The following MID1 variants were observed in gnomAD, a reference collection of about 807,000 sequenced individuals.
MID1 encodes the protein E3 ubiquitin-protein ligase Midline-1.
MID1 carries 7 observed loss-of-function variants against 40.4 expected under a neutral mutation model. The ratio of observed to expected loss-of-function variants is 0.17; its 90% CI spans 0.10 to 0.33. The LOEUF (loss-of-function observed/expected upper bound fraction) is 0.33. Ranked by LOEUF, MID1 falls within the 10% of genes least tolerant of loss-of-function variation. MID1 has a pLI of 1.00. For missense variants in MID1, 367 were observed against 558.5 expected (o/e 0.66, Z 3.46); for synonymous variants, 229 against 221.2 (o/e 1.04, Z -0.31).
In MID1 at chrX:10,469,700, C is replaced by A; in HGVS notation, c.1282G>T (p.Val428Phe). The A allele has an allele frequency of 8.3e-7, 1 of 1,211,588 alleles. No individual in the cohort carries two copies. The change falls in exon 7 of 10, where the codon GTT (valine) becomes TTT (phenylalanine). Residue 428 changes from valine (V) to phenylalanine (F), a missense_variant. By Grantham distance (50) the Val-to-Phe change is conservative. This residue lies in a region of MID1 where 275 missense variants were observed against 383.1 expected (regional missense o/e 0.72). Coordinates refer to ENST00000317552, the MANE Select transcript of MID1 (RefSeq NM_000381.4). ...YTIFTGQANV[V>F]SLCNSADSWM... ...AAATAGGCCATGAGATACTCACTAA[C>A]GACGTTGGCTTGTCCGGTGAATATG...
chrX:10,825,326 C>A (rs1194625226), intron 1 of MID1, among the ~76,000 whole-genome samples: 1 of 112,052 alleles, frequency 8.9e-6, no homozygotes, highest in East Asian at 2.8e-4. Flanking sequence ...GTTTTCCTAA[C>A]CCTATGGCTG....
chrX:10,829,267 G>A (rs774065205), intron 1 of MID1, among the ~76,000 whole-genome samples: 1 of 111,704 alleles, frequency 9.0e-6, no homozygotes, highest in Non-Finnish European at 1.9e-5. Flanking sequence ...GCCTTTTCTG[G>A]CTCAGGCTCT....
chrX:10,647,594 C>G (rs1477764541), intron 1 of MID1, among the ~76,000 whole-genome samples: 1 of 111,837 alleles, frequency 8.9e-6, no homozygotes, highest in Non-Finnish European at 1.9e-5. Context: ...GAATAAAGGG[C>G]ATATTCTGCT....
rs1454659309 is a variant in MID1 at position 10,533,381 on chromosome X, AG to A, written c.661-10195del. On this transcript the variant is annotated intron_variant, in intron 2 of 9. Transcript: ENST00000317552. ...GAAAGAAAGAAAGAAAGAAAGAAAA[AG>A]AAAGAAAGAAAAGAAAGAAAGAAAG... Among the ~76,000 whole-genome samples the A allele has an allele frequency of 3.0e-3, 237 of 80,131 alleles. 1 individual carries two copies. Among genetic ancestry groups the A allele is most frequent in the African/African-American group, 8.2e-3 (167 of 20,279 alleles). The allele number at this position is 80,131 out of a possible 115,157, so 69.6% of individuals were successfully genotyped here. A position where few individuals can be genotyped will look rare whatever the true frequency, so the allele number is the denominator to read the frequency against.
intron 8 of MID1, among the ~76,000 whole-genome samples, chrX:10,456,318 T>C (rs2147262101): frequency 8.9e-6 from 1 of 112,179 alleles, no homozygotes; most frequent in East Asian, 2.8e-4. Context: ...GCAAAGGGCC[T>C]GACAGTAAAT....
chrX:10,536,478 T>C (rs1933258687), intron 2 of MID1, among the ~76,000 whole-genome samples: 1 of 112,897 alleles, frequency 8.9e-6, no homozygotes, highest in Admixed American at 9.3e-5. Context: ...TGAGTTTACA[T>C]ATACAACGTG....
chrX:10,568,550 A>C lies in MID1; in HGVS notation c.-56-947T>G, dbSNP rs374258861. Among the ~76,000 whole-genome samples the C allele has an allele frequency of 2.8e-4, 31 of 111,015 alleles. 1 individual carries two copies. Among genetic ancestry groups the C allele is most frequent in the East Asian group, 1.1e-3 (4 of 3,519 alleles). On this transcript the variant is annotated intron_variant, in intron 1 of 9. Transcript: ENST00000317552. ...TGCTGAGGGACCCTTTTGGCCAAAA[A>C]ACTCCCACCACGGGCTTGTCACTGT...
chrX:10,613,764 G>C (rs927793997), intron 1 of MID1, among the ~76,000 whole-genome samples: 1 of 84,480 alleles, frequency 1.2e-5, no homozygotes, highest in Non-Finnish European at 2.2e-5. Flanking sequence ...GAGAGAGAGA[G>C]AGAGACAGAC....
intron 5 of MID1, among the ~76,000 whole-genome samples, chrX:10,481,123 A>G (rs1930299218): frequency 8.9e-6 from 1 of 111,863 alleles, no homozygotes; most frequent in African/African-American, 3.3e-5. Flanking sequence ...TATATTATCT[A>G]TGGCCGCTTT....
chrX:10,567,959 G>A (rs907793173), intron 1 of MID1, among the ~76,000 whole-genome samples: 9 of 111,182 alleles, frequency 8.1e-5, no homozygotes, highest in African/African-American at 2.0e-4. Flanking sequence ...GTTTAACCTC[G>A]CACAGAAAAT....
intron 1 of MID1, among the ~76,000 whole-genome samples, chrX:10,613,766 G>GAGAGAGAGAGAGAC (rs1555910257): frequency 1.2e-4 from 9 of 75,768 alleles, no homozygotes; most frequent in African/African-American, 4.3e-4. Context: ...GAGAGAGAGA[G>GAGAGAGAGAGAGAC]AGACAGACAG....
At chrX:10,826,557 A>G (rs1318267495) in intron 1 of MID1, among the ~76,000 whole-genome samples, 1 of 112,034 alleles carries the variant, frequency 8.9e-6, no homozygotes, top group East Asian at 2.8e-4. Flanking sequence ...TCCCTCATAG[A>G]GTCTGGCCAT....
chrX:10,679,343 G>T (rs905361271), intron 1 of MID1, among the ~76,000 whole-genome samples: 2 of 111,483 alleles, frequency 1.8e-5, no homozygotes. Context: ...GGATCAATAA[G>T]AATCTAATAA....
intron 1 of MID1, among the ~76,000 whole-genome samples, chrX:10,636,621 C>T (rs1469320077): frequency 9.3e-6 from 1 of 107,285 alleles, no homozygotes; most frequent in African/African-American, 3.4e-5. Flanking sequence ...CTCCACTCTC[C>T]ACGGTCTTAA....
chrX:10,498,403 T>C (rs1468899302), intron 3 of MID1, among the ~76,000 whole-genome samples: 1 of 112,577 alleles, frequency 8.9e-6, no homozygotes, highest in Non-Finnish European at 1.9e-5. Flanking sequence ...AGTGTGCCAC[T>C]GCACCTGGCC....
At chrX:10,706,184 G>T (rs767201225) in intron 1 of MID1, among the ~76,000 whole-genome samples, 1 of 110,725 alleles carries the variant, frequency 9.0e-6, no homozygotes, top group South Asian at 3.9e-4. Flanking sequence ...AGGGGTGGGG[G>T]GTGTGTGAAA....
intron 2 of MID1, among the ~76,000 whole-genome samples, chrX:10,534,284 T>C (rs900961206): frequency 8.9e-6 from 1 of 112,092 alleles, no homozygotes; most frequent in Admixed American, 9.5e-5. Flanking sequence ...ACTGATACCA[T>C]CAAACATTTT....
intron 1 of MID1, among the ~76,000 whole-genome samples, chrX:10,673,699 C>A (rs921770595): frequency 4.5e-5 from 5 of 110,017 alleles, no homozygotes; most frequent in Non-Finnish European, 7.6e-5. Context: ...GGTAAGAGAG[C>A]AATATAGAAG....
At chrX:10,682,779 T>C (rs2043068534) in intron 1 of MID1, among the ~76,000 whole-genome samples, 1 of 111,878 alleles carries the variant, frequency 8.9e-6, no homozygotes, top group South Asian at 3.7e-4. Flanking sequence ...TACAACTTAT[T>C]TTTGGAAGTC....
Sources: gnomAD v4.1 joint callset for allele counts (sites outside exome capture counted in the v4.1 genomes callset) on GRCh38, gnomAD v4.1.1 for gene constraint, gnomAD v4.1.1 regional missense constraint, MANE v1.5 for transcripts, NCBI Gene and HGNC (gene_info 2026-07-23, HGNC 2026-07-21) for gene names.